CAPN5: variants seen among roughly 807,000 people sequenced by gnomAD.
CAPN5 encodes calpain 5.
Under a neutral mutation model 73.0 loss-of-function variants are expected in CAPN5, and 54 were observed. That is an observed-to-expected ratio of 0.74 (90% confidence interval 0.59 to 0.93). The LOEUF (loss-of-function observed/expected upper bound fraction) is 0.93, where lower values mean the gene tolerates loss of function less well. CAPN5 is among the 40% of genes least tolerant of loss of function. CAPN5 has a pLI of 0.00. For missense variants in CAPN5, 785 were observed against 882.9 expected (o/e 0.89, Z 1.41); for synonymous variants, 335 against 356.9 (o/e 0.94, Z 0.69).
intron 9 of CAPN5, 60 bp downstream of exon 9, chr11:77,119,212 T>C (rs1950499250): frequency 6.5e-7 from 1 of 1,544,186 alleles, no homozygotes; most frequent in Admixed American, 1.9e-5. Flanking sequence ...GAGTTTGGAC[T>C]GCCCATGCCT....
intron 10 of CAPN5, 29 bp downstream of exon 10, chr11:77,120,938 T>G (rs1036675066): frequency 1.3e-6 from 2 of 1,592,748 alleles, no homozygotes; most frequent in Admixed American, 1.7e-5. Flanking sequence ...GAGGCCAGTG[T>G]GGGTGGGAGT....
rs1950069645 is a variant in CAPN5 at position 77,085,011 on chromosome 11, A to AG, written c.128dup (p.Thr44HisfsTer95). 1.2e-6 allele frequency: 2 copies of AG among 1,613,730 alleles called. No individual in the cohort carries two copies. Among genetic ancestry groups the AG allele is most frequent in the Non-Finnish European group, 1.7e-6 (2 of 1,180,042 alleles). Reference sequence around the variant, plus strand: ...GCCACTGACGACTCACTCTACTATAAGGGCACGCCGGGGCCCGCCGTCAGG... The same window carrying AG: ...GCCACTGACGACTCACTCTACTATAAGGGGCACGCCGGGGCCCGCCGTCAGG... On this transcript the variant is annotated frameshift_variant, in exon 2 of 13. Transcript: ENST00000648180. LOFTEE classifies it high-confidence loss of function.
At chr11:77,118,577 C>T (rs1001426262) in intron 8 of CAPN5, among the ~76,000 whole-genome samples, 1 of 152,176 alleles carries the variant, frequency 6.6e-6, no homozygotes, top group Admixed American at 6.5e-5. Context: ...ATGAGGAAAC[C>T]GCGGCTCTGA....
At chr11:77,110,556 C>T (rs1347128939) in intron 3 of CAPN5, among the ~76,000 whole-genome samples, 1 of 152,196 alleles carries the variant, frequency 6.6e-6, no homozygotes, top group Non-Finnish European at 1.5e-5. Flanking sequence ...CTGCCTCCCT[C>T]GCTTGAGCCT....
In CAPN5 at chr11:77,124,060, C is replaced by T; in HGVS notation, c.*190C>T. ...CCCGAGGGCCCCGAAGCATTCCATT[C>T]TCGTGGAGGAGTTTCCTTGCTGAGA... On this transcript the variant is annotated 3_prime_UTR_variant, in exon 13 of 13. Transcript: ENST00000648180. 1.7e-6 allele frequency: 1 copy of T among 598,734 alleles called. No homozygotes were observed. The highest frequency in any genetic ancestry group is 2.8e-5 in the East Asian group (1 of 35,558). 37.1% of individuals were successfully genotyped at this position (598,734 alleles called of 1,614,324 possible). A position where few individuals can be genotyped will look rare whatever the true frequency, so the allele number is the denominator to read the frequency against.
rs782594346 is a variant in CAPN5, at chr11:77,120,857, C to T, written c.1435C>T (p.His479Tyr). The T allele has an allele frequency of 6.2e-7, 1 of 1,614,168 alleles. No individual in the cohort carries two copies. Among genetic ancestry groups the T allele is most frequent in the South Asian group, 1.1e-5 (1 of 91,070 alleles). ...VIIPTTFEPGHTGEFLLRVFT... is the reference protein window; with the variant it reads ...VIIPTTFEPGYTGEFLLRVFT... ...CATCCCCACAACCTTCGAGCCAGGC[C>T]ACACTGGCGAGTTCCTGCTCCGAGT... is the stretch of plus-strand genomic sequence containing the variant. The change falls in exon 10 of 13, where the codon CAC becomes TAC. Residue 479 changes from histidine (H) to tyrosine (Y), a missense_variant. By Grantham distance (83) the His-to-Tyr change is moderately conservative (BLOSUM62 2). Coordinates refer to ENST00000648180, the MANE Select transcript of CAPN5 (RefSeq NM_004055.5).
At chr11:77,096,647 G>A (rs1450840531) in intron 3 of CAPN5, among the ~76,000 whole-genome samples, 2 of 152,248 alleles carry the variant, frequency 1.3e-5, no homozygotes, top group African/African-American at 2.4e-5. Context: ...ATCAGGTTGC[G>A]ACAGTTTGGC....
intron 12 of CAPN5, 29 bp downstream of exon 12, chr11:77,122,741 C>T (rs1555043135): frequency 6.2e-7 from 1 of 1,611,354 alleles, no homozygotes; most frequent in African/African-American, 1.3e-5. Context: ...AGGCCACCTC[C>T]TGGGCTCCTA....
intron 2 of CAPN5, chr11:77,087,868 G>A (rs2135427952): frequency 6.5e-7 from 1 of 1,531,000 alleles, no homozygotes; most frequent in Middle Eastern, 1.7e-4. Flanking sequence ...TTGTCCTCTT[G>A]GGTGCCGACC....
rs201196731 is a variant in CAPN5, at chr11:77,092,827, C to T, written c.166-855C>T. ...ACTAAAAATATAAAAATTAGCTGGG[C>T]GTGGTGGTGGGTGCCTGTAATCCCA... is the stretch of plus-strand genomic sequence containing the variant. On this transcript the variant is annotated intron_variant, in intron 2 of 12. Coordinates refer to ENST00000648180, the MANE Select transcript of CAPN5 (RefSeq NM_004055.5). Among the ~76,000 whole-genome samples, 286 of 152,170 alleles carry T rather than the reference C, an allele frequency of 1.9e-3. 1 individual carries two copies. The highest frequency in any genetic ancestry group is 2.8e-3 in the Non-Finnish European group (192 of 67,996).
rs1950070183 is a variant in CAPN5 at position 77,085,023 on chromosome 11, G to A, written c.137G>A (p.Gly46Glu). 5 of 1,613,522 alleles carry A rather than the reference G, an allele frequency of 3.1e-6. No individual in the cohort carries two copies. Among genetic ancestry groups the A allele is most frequent in the Non-Finnish European group, 4.2e-6 (5 of 1,180,020 alleles). Residue 46 changes from glycine (G) to glutamate (E), a missense_variant, in exon 2 of 13, where the codon GGG becomes GAG. Transcript: ENST00000648180. Reference sequence around the variant, plus strand: ...TCACTCTACTATAAGGGCACGCCGGGGCCCGCCGTCAGGTGGAAGCGACCC... The same window carrying A: ...TCACTCTACTATAAGGGCACGCCGGAGCCCGCCGTCAGGTGGAAGCGACCC... ...DDSLYYKGTP[G>E]PAVRWKRPKG...
chr11:77,099,483 C>T (rs1256517023), intron 3 of CAPN5, among the ~76,000 whole-genome samples: 18 of 150,088 alleles, frequency 1.2e-4, no homozygotes, highest in Admixed American at 1.1e-3. Flanking sequence ...ATCCCGGCAC[C>T]TCGGGAGGCC....
At chr11:77,076,059 G>T (rs1446801618) in intron 1 of CAPN5, among the ~76,000 whole-genome samples, 3 of 152,086 alleles carry the variant, frequency 2.0e-5, no homozygotes, top group Non-Finnish European at 4.4e-5. Context: ...TTTGTCCTGA[G>T]AACACTCAAA....
At chr11:77,084,218 A>G (rs1368354579) in intron 1 of CAPN5, among the ~76,000 whole-genome samples, 7 of 150,354 alleles carry the variant, frequency 4.7e-5, no homozygotes, top group Non-Finnish European at 7.4e-5. Flanking sequence ...CATTGGTGCA[A>G]AGTTCAGGGT....
chr11:77,111,417 C>T (rs1387982511), intron 3 of CAPN5, among the ~76,000 whole-genome samples: 1 of 152,156 alleles, frequency 6.6e-6, no homozygotes, highest in African/African-American at 2.4e-5. Context: ...GGACGAGTTA[C>T]GTGCCCTCTC....
intron 12 of CAPN5, among the ~76,000 whole-genome samples, 188 bp from the exon 13 acceptor site, chr11:77,123,500 G>T (rs1555043259): frequency 6.6e-6 from 1 of 152,134 alleles, no homozygotes; most frequent in Non-Finnish European, 1.5e-5. Flanking sequence ...GCTAGCTGAG[G>T]AGCCTGAGGC....
intron 1 of CAPN5, 106 bp from the exon 2 acceptor site, chr11:77,084,746 C>A (rs2135422592): frequency 9.9e-7 from 1 of 1,007,316 alleles, no homozygotes; most frequent in East Asian, 2.6e-5. Context: ...CCACGCCTCG[C>A]TGAGCCTTCC....
At chr11:77,075,674 CT>C (rs1271398140) in intron 1 of CAPN5, among the ~76,000 whole-genome samples, 1 of 152,138 alleles carries the variant, frequency 6.6e-6, no homozygotes, top group East Asian at 1.9e-4. Flanking sequence ...ACTGTGCTGG[CT>C]TTTTTTGTTT....
chr11:77,098,103 A>AC (rs1178914335), intron 3 of CAPN5, among the ~76,000 whole-genome samples: 4 of 68,116 alleles, frequency 5.9e-5, no homozygotes, highest in South Asian at 7.4e-4. Flanking sequence ...CGGGGGGCTG[A>AC]CCCCCCCACC....
Sources: allele counts gnomAD v4.1 joint callset (sites outside exome capture counted in the v4.1 genomes callset), GRCh38; gene constraint gnomAD v4.1.1; transcripts MANE v1.5; gene names NCBI Gene and HGNC (gene_info 2026-07-23, HGNC 2026-07-21).